DYSF: variants seen among roughly 807,000 people sequenced by gnomAD.
The protein encoded by DYSF is dysferlin.
A neutral mutation model predicts 274.9 loss-of-function variants in DYSF; 212 were observed. That is an observed-to-expected ratio of 0.77 (90% CI 0.69 to 0.86). The LOEUF is 0.86. DYSF is among the 40% of genes least tolerant of loss of function. DYSF has a pLI of 0.00. For missense variants in DYSF, 2,666 were observed against 2,783.2 expected, an observed-to-expected ratio of 0.96 and a Z score of 0.95; for synonymous variants, 1,091 against 1,078.7, an observed-to-expected ratio of 1.01 and a Z score of -0.22.
intron 15 of DYSF, 57 bp from the exon 16 acceptor site, chr2:71,535,211 G>A (rs2089193925): frequency 6.2e-7 from 1 of 1,600,922 alleles, no homozygotes; most frequent in Non-Finnish European, 8.6e-7. Flanking sequence ...GGGTAGGGAG[G>A]GGCTGTTCTA....
In DYSF at chr2:71,686,653, G is replaced by T; in HGVS notation, c.*161G>T. 2 of 807,616 alleles carry T rather than the reference G, an allele frequency of 2.5e-6. No individual in the cohort carries two copies. The highest frequency in any genetic ancestry group is 4.2e-6 in the Non-Finnish European group (2 of 475,162). 50.0% of individuals were successfully genotyped at this position (807,616 alleles called of 1,614,324 possible). A position where few individuals can be genotyped will look rare whatever the true frequency, so the allele number is the denominator to read the frequency against. ...TGGACCGGCCCACACTCCCAGAGTTGCTAACATGGAGCTCTGAGATCACCC... is the reference window on the plus strand; with the variant it reads ...TGGACCGGCCCACACTCCCAGAGTTTCTAACATGGAGCTCTGAGATCACCC... On this transcript the variant is annotated 3_prime_UTR_variant, in exon 56 of 56. Transcript: ENST00000410020.
intron 41 of DYSF, among the ~76,000 whole-genome samples, chr2:71,636,609 A>C (rs2094407571): frequency 6.6e-6 from 1 of 152,176 alleles, no homozygotes; most frequent in Non-Finnish European, 1.5e-5. Context: ...TTAGCTTTGC[A>C]AAGCCTATCA....
In DYSF at chr2:71,511,230, G is replaced by A. The variant is rs537538742; in HGVS notation, c.346-577G>A. Reference sequence around the variant, plus strand: ...GGGGCAGCTGAGGATGTGCTGGGGGGCAGGAAGGAAGAGGGCTCTGCAAGC... The same window carrying A: ...GGGGCAGCTGAGGATGTGCTGGGGGACAGGAAGGAAGAGGGCTCTGCAAGC... On this transcript the variant is annotated intron_variant, in intron 4 of 55. Transcript: ENST00000410020. Among the ~76,000 whole-genome samples, 3 of 152,344 alleles carry A rather than the reference G, an allele frequency of 2.0e-5. No homozygotes were observed. The East Asian group carries it at 5.8e-4, about 29-fold the overall frequency.
intron 7 of DYSF, among the ~76,000 whole-genome samples, chr2:71,514,382 A>C (rs2086438094): frequency 6.6e-6 from 1 of 152,098 alleles, no homozygotes; most frequent in South Asian, 2.1e-4. Context: ...TACCTCAAAG[A>C]AGCTCTGTCT....
intron 9 of DYSF, 135 bp downstream of exon 9, chr2:71,516,377 T>G: frequency 3.5e-6 from 3 of 864,326 alleles, no homozygotes; most frequent in Non-Finnish European, 5.7e-6. Flanking sequence ...TGTGTGCCTG[T>G]CGGTGTGTAT....
intron 55 of DYSF, among the ~76,000 whole-genome samples, chr2:71,683,173 T>G (rs2095316101): frequency 6.6e-6 from 1 of 152,138 alleles, no homozygotes; most frequent in South Asian, 2.1e-4. Flanking sequence ...CAATAGAGTG[T>G]GTCCTGCCTC....
chr2:71,673,629 C>T lies in DYSF; in HGVS notation c.5785-568C>T, dbSNP rs115361337. 2.4e-3 allele frequency among the ~76,000 whole-genome samples: 358 copies of T among 152,110 alleles called. 4 individuals are homozygous for T. The highest frequency in any genetic ancestry group is 4.2e-3 in the Admixed American group (64 of 15,272). Reference sequence around the variant, plus strand: ...AGGGTCTCAGTTACCCCACCCTGACCCTGAGATGCCAGGTACAGAGCAAGG... The same window carrying T: ...AGGGTCTCAGTTACCCCACCCTGACTCTGAGATGCCAGGTACAGAGCAAGG... On this transcript the variant is annotated intron_variant, in intron 51 of 55. Coordinates refer to ENST00000410020, the MANE Select transcript of DYSF (RefSeq NM_001130987.2).
intron 55 of DYSF, among the ~76,000 whole-genome samples, 174 bp downstream of exon 55, chr2:71,682,851 G>A (rs1177736066): frequency 6.6e-6 from 1 of 152,182 alleles, no homozygotes; most frequent in Non-Finnish European, 1.5e-5. Flanking sequence ...AATCTGGTAG[G>A]TGTACAAAGT....
At chr2:71,659,311 G>A (rs1167121238) in intron 44 of DYSF, among the ~76,000 whole-genome samples, 1 of 152,212 alleles carries the variant, frequency 6.6e-6, no homozygotes, top group Non-Finnish European at 1.5e-5. Flanking sequence ...TAGGCTGGGA[G>A]GGAGAAGAAA....
exon 1 of DYSF, chr2:71,453,831 C>G (rs1372663452): frequency 1.4e-6 from 1 of 716,926 alleles, no homozygotes; most frequent in African/African-American, 1.7e-5. Context: ...CGGGGGTGGC[C>G]CGTTCCCCTT....
intron 49 of DYSF, 119 bp from the exon 50 acceptor site, chr2:71,668,993 C>T: frequency 7.8e-7 from 1 of 1,286,804 alleles, no homozygotes; most frequent in Non-Finnish European, 1.1e-6. Context: ...GGGCCAGTGT[C>T]CAGCCAGGCA....
chr2:71,473,918 AT>A (rs10659171), intron 1 of DYSF, among the ~76,000 whole-genome samples: 20,411 of 83,194 alleles, frequency 0.25, 1,129 homozygotes, highest in African/African-American at 0.27. Flanking sequence ...TTTCTGTATG[AT>A]TTTTTTTTTT....
Position 71,674,185 on chromosome 2 carries a change from C to T in DYSF, c.5785-12C>T, listed in dbSNP as rs555569443. On this transcript the variant is annotated splice_polypyrimidine_tract_variant and intron_variant, in intron 51 of 55. Coordinates refer to ENST00000410020, the MANE Select transcript of DYSF (RefSeq NM_001130987.2). ...CTTCCTTGCATCCTTCTCTGTTCCT[C>T]TTCCGGGTCAGGATGCCTTCTGGAG... is the stretch of plus-strand genomic sequence containing the variant. 1.4e-5 allele frequency: 23 copies of T among 1,613,364 alleles called. No homozygotes were observed. Among genetic ancestry groups the T allele is most frequent in the South Asian group, 2.2e-5 (2 of 91,056 alleles).
At chr2:71,485,783 A>G (rs1008335612) in intron 3 of DYSF, among the ~76,000 whole-genome samples, 2 of 152,198 alleles carry the variant, frequency 1.3e-5, no homozygotes, top group Non-Finnish European at 2.9e-5. Context: ...AAGAAAAGGA[A>G]AAAACTTCAG....
At chr2:71,545,010 C>T (rs2090352508) in intron 17 of DYSF, among the ~76,000 whole-genome samples, 1 of 152,088 alleles carries the variant, frequency 6.6e-6, no homozygotes, top group Non-Finnish European at 1.5e-5. Context: ...GTCTTAAGTG[C>T]CCTCGAAGAG....
chr2:71,598,052 A>G (rs1274625501), intron 32 of DYSF, among the ~76,000 whole-genome samples: 1 of 152,176 alleles, frequency 6.6e-6, no homozygotes, highest in Admixed American at 6.5e-5. Flanking sequence ...ATCCCTCCCT[A>G]ACACATTTCA....
intron 53 of DYSF, among the ~76,000 whole-genome samples, chr2:71,680,143 T>G (rs905309455): frequency 6.6e-6 from 1 of 152,156 alleles, no homozygotes; most frequent in African/African-American, 2.4e-5. Flanking sequence ...GTTATAAAAG[T>G]TAGGTGAATG....
At position 71,551,068 on chromosome 2, in the gene DYSF, CT is replaced by C. The variant is rs1264396941; in HGVS notation, c.1608del (p.Phe536LeufsTer109). 1 of 1,614,032 alleles carries C rather than the reference CT, an allele frequency of 6.2e-7. No individual in the cohort carries two copies. Among genetic ancestry groups the C allele is most frequent in the Admixed American group, 1.7e-5 (1 of 60,006 alleles). On this transcript the variant is annotated frameshift_variant, in exon 18 of 56. Coordinates refer to ENST00000410020, the MANE Select transcript of DYSF (RefSeq NM_001130987.2). LOFTEE classifies it high-confidence loss of function. ...GATGACTACCTGGGCTTCCTCCCCA[CT>C]TTTGGGCCCTGCTACATCAACCTCT... ...EVDDYLGFLP[T>X]FGPCYINLYG... is the part of the protein sequence containing the mutation.
intron 54 of DYSF, among the ~76,000 whole-genome samples, chr2:71,681,813 A>G (rs1250032688): frequency 1.3e-5 from 2 of 152,252 alleles, no homozygotes; most frequent in African/African-American, 4.8e-5. Context: ...TGGATTTAGC[A>G]TAGATGGCTC....
Sources: gnomAD v4.1 joint callset for allele counts (sites outside exome capture counted in the v4.1 genomes callset) on GRCh38, gnomAD v4.1.1 for gene constraint, MANE v1.5 for transcripts, NCBI Gene and HGNC (gene_info 2026-07-23, HGNC 2026-07-21) for gene names.